SPG11: variants seen among roughly 807,000 people sequenced by gnomAD.
SPG11 encodes the protein spatacsin.
In SPG11, 222 loss-of-function variants were observed where a neutral mutation model predicts 274.0. The observed-to-expected ratio is 0.81, with a 90% CI of 0.73 to 0.91. SPG11 has a LOEUF of 0.91. Among genes scored for constraint, SPG11 ranks in the 40% least tolerant of loss-of-function variants. SPG11 has a pLI of 0.00. For missense variants in SPG11, 3,114 were observed against 2,872.7 expected, an observed-to-expected ratio of 1.08 and a Z score of -1.92; for synonymous variants, 1,144 against 1,039.7, an observed-to-expected ratio of 1.10 and a Z score of -1.93.
chr15:44,643,862 T>C (rs1470542900), intron 7 of SPG11, among the ~76,000 whole-genome samples: 1 of 152,040 alleles, frequency 6.6e-6, no homozygotes, highest in Non-Finnish European at 1.5e-5. Context: ...CCTTAATGAA[T>C]ATAGATATAA....
At chr15:44,662,650 T>TAAAAAA (rs527806518) in intron 1 of SPG11, among the ~76,000 whole-genome samples, 3 of 91,186 alleles carry the variant, frequency 3.3e-5, no homozygotes, top group African/African-American at 8.5e-5. Context: ...ACCTTATCTT[T>TAAAAAA]AAAAAAAAAA....
At position 44,660,590 on chromosome 15, in the gene SPG11, C is replaced by A. The variant is rs768488300; in HGVS notation, c.284G>T (p.Ser95Ile). The change falls in exon 2 of 40, where the codon AGC becomes ATC. Residue 95 changes from serine to isoleucine, a missense_variant. Transcript: ENST00000261866. ...WHFLWEDSRN[S>I]STPTEKPKLL... is the part of the protein sequence containing the mutation. ...TTTGGGCTTTTCAGTTGGTGTGCTG[C>A]TGTTACGAGAATCCTCCCATAGAAA... 2.5e-6 allele frequency: 4 copies of A among 1,613,956 alleles called. No individual in the cohort carries two copies. The South Asian group carries it at 4.4e-5, about 18-fold the overall frequency.
intron 15 of SPG11, among the ~76,000 whole-genome samples, chr15:44,616,781 A>G (rs2083601782): frequency 6.6e-6 from 1 of 152,232 alleles, no homozygotes; most frequent in African/African-American, 2.4e-5. Flanking sequence ...TGGCAAACTA[A>G]GCATAGATGC....
chr15:44,644,452 C>A (rs1567185662), intron 7 of SPG11, among the ~76,000 whole-genome samples: 1 of 152,092 alleles, frequency 6.6e-6, no homozygotes, highest in Admixed American at 6.6e-5. Flanking sequence ...TTATGAAAAA[C>A]CCATAGCCAA....
chr15:44,659,959 G>A (rs979553909), intron 2 of SPG11, among the ~76,000 whole-genome samples: 13 of 152,290 alleles, frequency 8.5e-5, no homozygotes, highest in African/African-American at 2.9e-4. Context: ...TACTCAGAAG[G>A]CTGAGGTGGG....
intron 3 of SPG11, among the ~76,000 whole-genome samples, chr15:44,657,962 G>A (rs1389805589): frequency 6.6e-6 from 1 of 152,212 alleles, no homozygotes; most frequent in Admixed American, 6.5e-5. Context: ...AGGAGGCAGG[G>A]GTTGCAGTGA....
chr15:44,645,450 C>T (rs1367014565), intron 7 of SPG11, among the ~76,000 whole-genome samples: 1 of 152,102 alleles, frequency 6.6e-6, no homozygotes, highest in East Asian at 1.9e-4. Flanking sequence ...TTTCTTATAC[C>T]ACATACAAAA....
At chr15:44,655,908 T>A (rs2141118038) in intron 4 of SPG11, among the ~76,000 whole-genome samples, 1 of 152,318 alleles carries the variant, frequency 6.6e-6, no homozygotes, top group Non-Finnish European at 1.5e-5. Flanking sequence ...TAATAAAAGT[T>A]ATGTGAATGT....
At chr15:44,646,037 G>A (rs1053816914) in intron 7 of SPG11, among the ~76,000 whole-genome samples, 1 of 152,326 alleles carries the variant, frequency 6.6e-6, no homozygotes. Context: ...TGGTGGGAAT[G>A]TAAATTAGCT....
chr15:44,578,821 C>G (rs2082599959), intron 30 of SPG11, among the ~76,000 whole-genome samples: 1 of 152,190 alleles, frequency 6.6e-6, no homozygotes, highest in South Asian at 2.1e-4. Context: ...AAATAAGATC[C>G]ACAGTCTCAA....
chr15:44,587,438 C>T (rs767974065), intron 28 of SPG11, among the ~76,000 whole-genome samples: 22 of 152,206 alleles, frequency 1.4e-4, no homozygotes, highest in Middle Eastern at 3.4e-3. Flanking sequence ...GCTTGTAATC[C>T]CAGCACCATG....
At chr15:44,613,766 A>T (rs571392883) in intron 16 of SPG11, among the ~76,000 whole-genome samples, 1 of 152,358 alleles carries the variant, frequency 6.6e-6, no homozygotes, top group African/African-American at 2.4e-5. Context: ...TACCATGATG[A>T]AATTTATCCA....
At chr15:44,578,985 G>C in intron 30 of SPG11, among the ~76,000 whole-genome samples, 1 of 148,570 alleles carries the variant, frequency 6.7e-6, no homozygotes, top group South Asian at 2.2e-4. Flanking sequence ...GCGAAACCCT[G>C]TCTCTACTAA....
chr15:44,649,571 C>A (rs2084704506), intron 6 of SPG11, among the ~76,000 whole-genome samples: 1 of 151,876 alleles, frequency 6.6e-6, no homozygotes, highest in Non-Finnish European at 1.5e-5. Flanking sequence ...AAGGCAAATT[C>A]TTATAAGAGC....
chr15:44,640,415 T>A (rs2084406855), intron 7 of SPG11, among the ~76,000 whole-genome samples: 2 of 152,138 alleles, frequency 1.3e-5, no homozygotes, highest in Non-Finnish European at 1.5e-5. Context: ...AAAGATTAAA[T>A]ATCCTAAAGA....
In SPG11 at chr15:44,596,301, C is replaced by T; in HGVS notation, c.4216G>A (p.Ala1406Thr). The T allele has an allele frequency of 6.2e-7, 1 of 1,614,150 alleles. No homozygotes were observed. Among genetic ancestry groups the T allele is most frequent in the Middle Eastern group, 1.6e-4 (1 of 6,062 alleles). The part of the protein sequence containing the change: ...SPVIQDHLRL[A>T]FENLPSVPTS... ...GGCACTGAGGGCAAGTTCTCAAAAGCCAGCCTTAAGTGGTCTTGAATGACT... is the reference window on the plus strand; with the variant it reads ...GGCACTGAGGGCAAGTTCTCAAAAGTCAGCCTTAAGTGGTCTTGAATGACT... Residue 1406 changes from alanine (A) to threonine (T), a missense_variant, in exon 25 of 40, where the codon GCT (alanine) becomes ACT (threonine). Ala to Thr is a moderately conservative substitution (Grantham distance 58, BLOSUM62 0). Coordinates refer to ENST00000261866, the MANE Select transcript of SPG11 (RefSeq NM_025137.4).
At chr15:44,633,658 A>G (rs771061046) in intron 7 of SPG11, 21 bp from the exon 8 acceptor site, 2 of 1,609,750 alleles carry the variant, frequency 1.2e-6, no homozygotes, top group South Asian at 1.1e-5. Flanking sequence ...GAGGAAAATA[A>G]AAATCAGAAA....
rs146816632 is a variant in SPG11, at chr15:44,564,659, A to G, written c.7039T>C (p.Trp2347Arg). 1.9e-6 allele frequency: 3 copies of G among 1,614,190 alleles called. No individual in the cohort carries two copies. The highest frequency in any genetic ancestry group is 2.2e-5 in the East Asian group (1 of 44,872). Residue 2347 changes from tryptophan (W) to arginine (R), a missense_variant, in exon 39 of 40, where the codon TGG becomes CGG. Coordinates refer to ENST00000261866, the MANE Select transcript of SPG11 (RefSeq NM_025137.4). ...VAEAYDFVPD[W>R]AEILYQQVIL... ...ACTTGCTGGTATAAAATTTCAGCCC[A>G]ATCTGGAACAAAATCGTAGGCCTCA...
intron 17 of SPG11, among the ~76,000 whole-genome samples, chr15:44,612,787 A>C (rs2083495082): frequency 6.6e-6 from 1 of 152,138 alleles, no homozygotes; most frequent in Non-Finnish European, 1.5e-5. Flanking sequence ...CAAAACCAAA[A>C]AACAAAACCC....
Sources: allele counts gnomAD v4.1 joint callset (sites outside exome capture counted in the v4.1 genomes callset), GRCh38; gene constraint gnomAD v4.1.1; transcripts MANE v1.5; gene names NCBI Gene and HGNC (gene_info 2026-07-23, HGNC 2026-07-21).